The following ZNF800 variants were observed in gnomAD, a reference collection of about 807,000 sequenced individuals.
ZNF800 encodes the protein zinc finger protein 800.
A neutral mutation model predicts 59.5 loss-of-function variants in ZNF800; 13 were observed. The observed-to-expected ratio is 0.22, with a 90% CI of 0.14 to 0.35. The LOEUF (loss-of-function observed/expected upper bound fraction) is 0.35, where lower values mean the gene tolerates loss of function less well. Ranked by LOEUF, ZNF800 falls within the 10% of genes least tolerant of loss-of-function variation. The pLI is 1.00. For missense variants in ZNF800, 621 were observed against 783.7 expected (o/e 0.79, Z 2.48); for synonymous variants, 266 against 265.7 (o/e 1.00, Z -0.01).
intron 1 of ZNF800, among the ~76,000 whole-genome samples, chr7:127,349,146 A>G (rs1223490541): frequency 6.6e-6 from 1 of 152,200 alleles, no homozygotes. Context: ...TGCTAAAAAC[A>G]GAAAAATGTG....
chr7:127,345,406 G>C (rs1423974188), downstream of ZNF800, among the ~76,000 whole-genome samples: 1 of 152,178 alleles, frequency 6.6e-6, no homozygotes, highest in Non-Finnish European at 1.5e-5. Flanking sequence ...GACAGAAAGG[G>C]AGGGTCTACT....
At chr7:127,388,638 A>G (rs538101957) in intron 2 of ZNF800, among the ~76,000 whole-genome samples, 1 of 152,016 alleles carries the variant, frequency 6.6e-6, no homozygotes, top group South Asian at 2.1e-4. Context: ...TATAAAATAC[A>G]CCAACTTCCA....
At chr7:127,379,098 T>C (rs1042132761) in intron 3 of ZNF800, among the ~76,000 whole-genome samples, 1 of 152,164 alleles carries the variant, frequency 6.6e-6, no homozygotes, top group Middle Eastern at 3.2e-3. Context: ...TCAGAAAACA[T>C]AAATTTAAAA....
At chr7:127,348,137 C>T (rs988275528) in intron 1 of ZNF800, 4 of 152,140 alleles carry the variant, frequency 2.6e-5, no homozygotes, top group African/African-American at 9.7e-5. Flanking sequence ...CCTCTCAGCC[C>T]CGCAAGAGCT....
chr7:127,385,927 G>A (rs1014998485), intron 3 of ZNF800, 133 bp downstream of exon 3: 24 of 578,374 alleles, frequency 4.1e-5, no homozygotes, highest in South Asian at 1.2e-4. Flanking sequence ...TTTAAAATAT[G>A]AAAATTTTAA....
chr7:127,376,035 A>C (rs1442154365), intron 4 of ZNF800, among the ~76,000 whole-genome samples: 1 of 152,006 alleles, frequency 6.6e-6, no homozygotes, highest in Non-Finnish European at 1.5e-5. Flanking sequence ...ATAAATAACT[A>C]CCAAAAGACA....
At chr7:127,366,706 G>A (rs746176387), downstream of ZNF800, among the ~76,000 whole-genome samples, 12 of 152,094 alleles carry the variant, frequency 7.9e-5, no homozygotes, top group Non-Finnish European at 1.8e-4. Flanking sequence ...TCTTTTAAGA[G>A]ATTCCCACCA....
chr7:127,362,402 CAA>C (rs1353801759), intron 1 of ZNF800: 1 of 152,024 alleles, frequency 6.6e-6, no homozygotes, highest in Admixed American at 6.6e-5. Flanking sequence ...ATGCAAAAAG[CAA>C]AAGAGAGAAG....
In ZNF800 at chr7:127,377,926, T is replaced by C. The variant is rs1800831682; in HGVS notation, c.158-597A>G. ...ATGGGATTATGGCTATTTAGCGTGA[T>C]TCTCTACGAAGTAGAGAATCTTTGT... On this transcript the variant is annotated intron_variant, in intron 3 of 5. Transcript: ENST00000265827. This position sits in a 1 kb window ranked among gnomAD's most constrained non-coding sequence, Gnocchi z 4.7. 6.6e-6 allele frequency among the ~76,000 whole-genome samples: 1 copy of C among 152,056 alleles called. No homozygotes were observed. Among genetic ancestry groups the C allele is most frequent in the Non-Finnish European group, 1.5e-5 (1 of 67,932 alleles).
At chr7:127,343,883 T>C (rs1422345785), downstream of ZNF800, among the ~76,000 whole-genome samples, 1 of 152,100 alleles carries the variant, frequency 6.6e-6, no homozygotes, top group Non-Finnish European at 1.5e-5. Flanking sequence ...AATCACATGA[T>C]CATTTCTAGT....
chr7:127,357,873 A>G (rs1587424819), intron 1 of ZNF800, among the ~76,000 whole-genome samples: 1 of 151,964 alleles, frequency 6.6e-6, no homozygotes, highest in East Asian at 1.9e-4. Context: ...ACAGCATCAG[A>G]GCTAGCCAAA....
chr7:127,377,154 A>G lies in ZNF800; in HGVS notation c.301+32T>C. 6.4e-7 allele frequency: 1 copy of G among 1,571,700 alleles called. No individual in the cohort carries two copies. The highest frequency in any genetic ancestry group is 8.6e-7 in the Non-Finnish European group (1 of 1,159,570). On this transcript the variant is annotated intron_variant, in intron 4 of 5. Coordinates refer to ENST00000265827, the MANE Select transcript of ZNF800 (RefSeq NM_176814.5). This position sits in a 1 kb window ranked among gnomAD's most constrained non-coding sequence, Gnocchi z 4.7. ...GCAGTATAAGAATACTTAGCTGTAA[A>G]ATGCATAACTGAGTATATGAATAAA... is the stretch of plus-strand genomic sequence containing the variant.
At position 127,377,623 on chromosome 7, in the gene ZNF800, A is replaced by C. The variant is rs1181161770; in HGVS notation, c.158-294T>G. ...CAGTGGTTCCGACATGAGGTTAATC[A>C]TTACAATGAGCTGGGAATAAAGATG... is the stretch of plus-strand genomic sequence containing the variant. On this transcript the variant is annotated intron_variant, in intron 3 of 5. Transcript: ENST00000265827. This position sits in a 1 kb window ranked among gnomAD's most constrained non-coding sequence, Gnocchi z 4.7. Among the ~76,000 whole-genome samples, 6 of 152,020 alleles carry C rather than the reference A, an allele frequency of 3.9e-5. 1 individual carries two copies. Among genetic ancestry groups the C allele is most frequent in the Admixed American group, 6.6e-5 (1 of 15,266 alleles).
downstream of ZNF800, among the ~76,000 whole-genome samples, chr7:127,365,616 T>C (rs771395185): frequency 6.6e-6 from 1 of 152,076 alleles, no homozygotes. Context: ...CAATAAGACA[T>C]TAATCATGAA....
chr7:127,343,496 G>A (rs1000518151), downstream of ZNF800, among the ~76,000 whole-genome samples: 1 of 151,828 alleles, frequency 6.6e-6, no homozygotes, highest in African/African-American at 2.4e-5. Flanking sequence ...AGAAGTGACA[G>A]TAAAACCATA....
intron 1 of ZNF800, chr7:127,361,603 A>C (rs11563465): frequency 0.1 from 15,857 of 152,078 alleles, 1,062 homozygotes; most frequent in Middle Eastern, 0.27. Context: ...TCAGACATGA[A>C]AAAAAGCCTA....
At chr7:127,356,956 G>C (rs1800283711) in intron 1 of ZNF800, among the ~76,000 whole-genome samples, 1 of 151,914 alleles carries the variant, frequency 6.6e-6, no homozygotes, top group African/African-American at 2.4e-5. Context: ...TTCCTTTAAA[G>C]GCATATTTTA....
At chr7:127,385,966 A>C in intron 3 of ZNF800, 94 bp downstream of exon 3, 1 of 793,290 alleles carries the variant, frequency 1.3e-6, no homozygotes, top group South Asian at 1.7e-5. Context: ...CAACATATAC[A>C]TTTTAATGTT....
intron 5 of ZNF800, 44 bp from the exon 6 acceptor site, chr7:127,371,858 T>C (rs767958758): frequency 1.3e-6 from 1 of 740,782 alleles, no homozygotes; most frequent in South Asian, 1.5e-5. Flanking sequence ...AGTTTACTAA[T>C]AAAACCTAGT....
Sources: gnomAD v4.1 joint callset for allele counts (sites outside exome capture counted in the v4.1 genomes callset) on GRCh38, gnomAD v4.1.1 for gene constraint, Gnocchi (gnomAD v3.1) non-coding constraint, MANE v1.5 for transcripts, NCBI Gene and HGNC (gene_info 2026-07-23, HGNC 2026-07-21) for gene names.